Variants in HSF5 observed in about 807,000 individuals in gnomAD.
HSF5 encodes the protein heat shock transcription factor 5, also known as heat shock factor protein 5.
HSF5 carries 5 observed loss-of-function variants against 50.8 expected under a neutral mutation model. The observed-to-expected ratio is 0.10, with a 90% CI of 0.05 to 0.21. The LOEUF (loss-of-function observed/expected upper bound fraction) is 0.21. HSF5 is among the 10% of genes least tolerant of loss of function. The probability of loss-of-function intolerance (pLI) is 1.00; values close to 1 mark genes in which losing one functional copy is unlikely to be tolerated. For synonymous variants in HSF5, 307 were observed against 307.4 expected, an observed-to-expected ratio of 1.00 and a Z score of 0.02; for missense variants, 564 against 762.6, an observed-to-expected ratio of 0.74 and a Z score of 3.07.
rs1370153251 is a variant in HSF5 at position 58,488,017 on chromosome 17, G to A, written c.258C>T (p.Leu86=). The A allele has an allele frequency of 6.2e-7, 1 of 1,609,458 alleles. No homozygotes were observed. Among genetic ancestry groups the A allele is most frequent in the Non-Finnish European group, 8.5e-7 (1 of 1,178,946 alleles). ...SFTSFIRQLN[L]YGFRKVVLGG... ...CCAGCACCACCTTGCGGAAGCCGTA[G>A]AGGTTGAGCTGGCGGATGAAGCTGG... Residue 86 remains leucine (L), a synonymous_variant, in exon 1 of 6, where the codon CTC becomes CTT. Transcript: ENST00000323777. The surrounding 1 kb of genome is among the most constrained non-coding windows in gnomAD (Gnocchi z 4.1).
rs764725495 is a variant in HSF5 at position 58,463,277 on chromosome 17, T to A, written c.1047A>T (p.Pro349=). 40 of 1,613,502 alleles carry A rather than the reference T, an allele frequency of 2.5e-5. 1 individual carries two copies. The South Asian group carries it at 4.2e-4, about 17-fold the overall frequency. ...GCCAATTGGAAGGCAAAAATTCAAC[T>A]GGATAGGAGGACTGCATTGAAGGAT... ...FQNPSMQSSY[P]VEFLPSNWPC... is the part of the protein sequence containing the mutation. Residue 349 remains proline, a synonymous_variant, in exon 4 of 6, where the codon CCA becomes CCT. Coordinates refer to ENST00000323777, the MANE Select transcript of HSF5 (RefSeq NM_001080439.3).
At chr17:58,465,824 G>T (rs142648453) in intron 3 of HSF5, among the ~76,000 whole-genome samples, 1 of 151,970 alleles carries the variant, frequency 6.6e-6, no homozygotes, top group African/African-American at 2.4e-5. Context: ...TATATAAAAC[G>T]TTTAACTCCA....
chr17:58,435,696 G>A (rs866193868), intron 5 of HSF5, among the ~76,000 whole-genome samples: 2 of 151,754 alleles, frequency 1.3e-5, no homozygotes, highest in South Asian at 2.1e-4. Flanking sequence ...GCAGGAGATC[G>A]AGACCATCCT....
chr17:58,476,875 T>C, intron 2 of HSF5: 1 of 1,320,658 alleles, frequency 7.6e-7, no homozygotes, highest in Non-Finnish European at 1.1e-6. Context: ...GCTGTTTTTT[T>C]TTTCCTGAGG....
chr17:58,444,967 A>G (rs1159111468), intron 5 of HSF5, among the ~76,000 whole-genome samples: 1 of 152,202 alleles, frequency 6.6e-6, no homozygotes, highest in African/African-American at 2.4e-5. Flanking sequence ...CAAACAGCCA[A>G]TGAGTATACA....
intron 4 of HSF5, among the ~76,000 whole-genome samples, chr17:58,461,197 G>C (rs1049347825): frequency 2.1e-5 from 3 of 145,766 alleles, no homozygotes; most frequent in African/African-American, 5.1e-5. Flanking sequence ...CCGAGCAACA[G>C]AGCGAGATTC....
intron 2 of HSF5, among the ~76,000 whole-genome samples, chr17:58,472,310 C>CA (rs35493108): frequency 3.3e-5 from 5 of 151,076 alleles, no homozygotes; most frequent in Non-Finnish European, 5.9e-5. Flanking sequence ...GTACCCCCCC[C>CA]AAAAAAAGTG....
At chr17:58,446,655 C>T (rs992029345) in intron 5 of HSF5, among the ~76,000 whole-genome samples, 6 of 152,106 alleles carry the variant, frequency 3.9e-5, no homozygotes, top group African/African-American at 1.4e-4. Context: ...AATAAATTTC[C>T]GTGGCAGGCA....
At chr17:58,473,082 C>G (rs1974971028) in intron 2 of HSF5, among the ~76,000 whole-genome samples, 1 of 152,154 alleles carries the variant, frequency 6.6e-6, no homozygotes, top group Non-Finnish European at 1.5e-5. Flanking sequence ...GCCAAAAGAA[C>G]AGACTCTTGA....
At chr17:58,442,977 C>T (rs1051862638) in intron 5 of HSF5, among the ~76,000 whole-genome samples, 8 of 151,620 alleles carry the variant, frequency 5.3e-5, no homozygotes, top group African/African-American at 1.2e-4. Context: ...GCAGTGATCT[C>T]GGCTCACTGC....
intron 5 of HSF5, among the ~76,000 whole-genome samples, chr17:58,424,300 T>C (rs1974263740): frequency 6.6e-6 from 1 of 152,146 alleles, no homozygotes; most frequent in Admixed American, 6.5e-5. Flanking sequence ...TATAACGGAA[T>C]GTTATTTAGC....
At chr17:58,465,906 A>G (rs1354217203) in intron 3 of HSF5, among the ~76,000 whole-genome samples, 1 of 152,214 alleles carries the variant, frequency 6.6e-6, no homozygotes, top group Non-Finnish European at 1.5e-5. Context: ...CCAAAATTCT[A>G]AAATCTCAAA....
chr17:58,450,253 C>T (rs1974618120), intron 5 of HSF5, among the ~76,000 whole-genome samples: 1 of 134,602 alleles, frequency 7.4e-6, no homozygotes, highest in African/African-American at 2.8e-5. Flanking sequence ...GCACGAGAAT[C>T]ATTTGAACCC....
chr17:58,431,439 C>G (rs1222182862), intron 5 of HSF5, among the ~76,000 whole-genome samples: 1 of 152,038 alleles, frequency 6.6e-6, no homozygotes, highest in Non-Finnish European at 1.5e-5. Context: ...CTTACGGGAC[C>G]ACTGTTCCAT....
rs1312992619 is a variant in HSF5 at position 58,488,202 on chromosome 17, G to A, written c.73C>T (p.Pro25Ser). The change falls in exon 1 of 6, where the codon CCG (proline) becomes TCG (serine). Residue 25 changes from proline to serine, a missense_variant. Pro to Ser is a moderately conservative substitution (Grantham distance 74). This residue lies in a region of HSF5 where 72 missense variants were observed against 110.9 expected (regional missense o/e 0.65). Coordinates refer to ENST00000323777, the MANE Select transcript of HSF5 (RefSeq NM_001080439.3). The surrounding 1 kb of genome is among the most constrained non-coding windows in gnomAD (Gnocchi z 4.1). Reference sequence around the variant, plus strand: ...TCCCAGCGGATGGAGCGGTAGCGCGGGCTGTTCACCAGGCGCCACAGCTTG... The same window carrying A: ...TCCCAGCGGATGGAGCGGTAGCGCGAGCTGTTCACCAGGCGCCACAGCTTG... Reference protein sequence around the residue: ...PAKLWRLVNSPRYRSIRWDGR... With the variant: ...PAKLWRLVNSSRYRSIRWDGR... 1 of 1,526,880 alleles carries A rather than the reference G, an allele frequency of 6.5e-7. No individual in the cohort carries two copies. Among genetic ancestry groups the A allele is most frequent in the East Asian group, 2.4e-5 (1 of 41,232 alleles). 94.6% of individuals were successfully genotyped at this position (1,526,880 alleles called of 1,614,324 possible). A position where few individuals can be genotyped will look rare whatever the true frequency, so the allele number is the denominator to read the frequency against.
intron 5 of HSF5, among the ~76,000 whole-genome samples, chr17:58,456,736 T>C (rs1325393939): frequency 6.6e-6 from 1 of 152,208 alleles, no homozygotes; most frequent in African/African-American, 2.4e-5. Context: ...ATAAATTTTA[T>C]GTTACATGTT....
intron 5 of HSF5, among the ~76,000 whole-genome samples, chr17:58,452,109 C>T (rs1974649373): frequency 6.6e-6 from 1 of 151,814 alleles, no homozygotes; most frequent in East Asian, 1.9e-4. Context: ...ATTAGCCAAG[C>T]ATGGTGTCAC....
chr17:58,433,975 G>A (rs1304599714), intron 5 of HSF5, among the ~76,000 whole-genome samples: 12 of 138,276 alleles, frequency 8.7e-5, no homozygotes, highest in Admixed American at 4.6e-4. Flanking sequence ...GTGCAGTGGC[G>A]TGTTCTTGGC....
chr17:58,482,047 G>C (rs1442452581), intron 1 of HSF5, among the ~76,000 whole-genome samples: 1 of 152,184 alleles, frequency 6.6e-6, no homozygotes, highest in Non-Finnish European at 1.5e-5. Context: ...CAAGGTTACA[G>C]TGAACTATGA....
Sources: gnomAD v4.1 joint callset for allele counts (sites outside exome capture counted in the v4.1 genomes callset) on GRCh38, gnomAD v4.1.1 for gene constraint, gnomAD v4.1.1 regional missense constraint, Gnocchi (gnomAD v3.1) non-coding constraint, MANE v1.5 for transcripts, NCBI Gene and HGNC (gene_info 2026-07-23, HGNC 2026-07-21) for gene names.